The following CDK14 variants were observed in gnomAD, a reference collection of about 807,000 sequenced individuals.
The protein encoded by CDK14 is cyclin-dependent kinase 14.
In CDK14, 34 loss-of-function variants were observed where a neutral mutation model predicts 60.7. The observed-to-expected ratio is 0.56, with a 90% CI of 0.43 to 0.75. The LOEUF (loss-of-function observed/expected upper bound fraction) is 0.75, where lower values mean the gene tolerates loss of function less well. CDK14 is among the 30% of genes least tolerant of loss of function. The pLI is 0.00. For missense variants in CDK14, 482 were observed against 564.1 expected (o/e 0.85, Z 1.47); for synonymous variants, 197 against 203.7 (o/e 0.97, Z 0.28).
At chr7:90,830,265 G>A (rs897091414) in intron 5 of CDK14, among the ~76,000 whole-genome samples, 9 of 152,148 alleles carry the variant, frequency 5.9e-5, no homozygotes, top group Non-Finnish European at 1.3e-4. Flanking sequence ...CTCAACTCTT[G>A]TCTTCTGCAC....
chr7:90,598,799 G>T (rs948634799), intron 1 of CDK14, among the ~76,000 whole-genome samples: 5 of 136,216 alleles, frequency 3.7e-5, no homozygotes, highest in Non-Finnish European at 6.2e-5. Context: ...CCGCCTCCCG[G>T]GTTCACGCCA....
intron 2 of CDK14, chr7:90,710,029 C>G (rs1802002331): frequency 1.6e-5 from 14 of 898,636 alleles, no homozygotes; most frequent in Non-Finnish European, 1.9e-5. Context: ...TGAATCCTGA[C>G]TCACTCATTT....
At chr7:91,172,857 G>T (rs981794833) in intron 14 of CDK14, among the ~76,000 whole-genome samples, 3 of 152,036 alleles carry the variant, frequency 2.0e-5, no homozygotes, top group African/African-American at 7.2e-5. Flanking sequence ...ACTCACATCA[G>T]ATTTTATTTT....
intron 12 of CDK14, among the ~76,000 whole-genome samples, chr7:91,110,548 T>G (rs1367937921): frequency 6.6e-6 from 1 of 152,182 alleles, no homozygotes. Flanking sequence ...TAGTATGTCT[T>G]GCTTTGTATT....
chr7:90,914,969 G>C (rs1793027110), intron 7 of CDK14, among the ~76,000 whole-genome samples: 1 of 152,174 alleles, frequency 6.6e-6, no homozygotes, highest in Non-Finnish European at 1.5e-5. Flanking sequence ...ATCATACTGT[G>C]ATAGACATAT....
At chr7:91,104,405 G>T (rs974033035) in intron 12 of CDK14, among the ~76,000 whole-genome samples, 2 of 152,212 alleles carry the variant, frequency 1.3e-5, no homozygotes, top group South Asian at 2.1e-4. Flanking sequence ...CTCACAGGAG[G>T]GCAGCTTTCC....
intron 6 of CDK14, 144 bp from the exon 7 acceptor site, chr7:90,899,147 T>A (rs934104234): frequency 3.1e-5 from 16 of 517,614 alleles, no homozygotes; most frequent in Non-Finnish European, 2.7e-5. Flanking sequence ...TGGGGAGGCA[T>A]GCCACTACAT....
At chr7:91,082,477 G>C (rs534030023) in intron 12 of CDK14, among the ~76,000 whole-genome samples, 1 of 152,218 alleles carries the variant, frequency 6.6e-6, no homozygotes, top group Admixed American at 6.5e-5. Context: ...AGTAAAACTG[G>C]ATTTCTCCTA....
chr7:90,729,176 G>A (rs915650626), intron 3 of CDK14, among the ~76,000 whole-genome samples: 2 of 151,600 alleles, frequency 1.3e-5, no homozygotes, highest in African/African-American at 2.4e-5. Flanking sequence ...GGGGCTGGCC[G>A]AGGGAGACTG....
chr7:90,965,909 T>G (rs1324405200), intron 9 of CDK14, among the ~76,000 whole-genome samples: 1 of 152,192 alleles, frequency 6.6e-6, no homozygotes, highest in Non-Finnish European at 1.5e-5. Context: ...ATCATTTGTG[T>G]GCCCTCTCAT....
At chr7:90,989,588 G>A (rs530651882) in intron 10 of CDK14, among the ~76,000 whole-genome samples, 1 of 152,252 alleles carries the variant, frequency 6.6e-6, no homozygotes, top group East Asian at 1.9e-4. Context: ...CTTCAGGAAT[G>A]GAATCATGAA....
At chr7:91,012,565 C>A (rs1304234181) in intron 10 of CDK14, among the ~76,000 whole-genome samples, 1 of 152,186 alleles carries the variant, frequency 6.6e-6, no homozygotes, top group Non-Finnish European at 1.5e-5. Context: ...CTTCAGGCAG[C>A]AAATTGGAGC....
At chr7:90,822,960 A>G (rs1212704975) in intron 5 of CDK14, among the ~76,000 whole-genome samples, 23 of 152,166 alleles carry the variant, frequency 1.5e-4, no homozygotes, top group Non-Finnish European at 4.4e-5. Flanking sequence ...TTATACTCTG[A>G]CAAAAAGTTT....
intron 4 of CDK14, among the ~76,000 whole-genome samples, chr7:90,789,325 T>C (rs1805728010): frequency 6.6e-6 from 1 of 152,174 alleles, no homozygotes; most frequent in South Asian, 2.1e-4. Flanking sequence ...CTCTGTATTG[T>C]ATACCACTAT....
chr7:90,608,206 C>T (rs957694607), intron 2 of CDK14, among the ~76,000 whole-genome samples: 3 of 152,128 alleles, frequency 2.0e-5, no homozygotes, highest in Non-Finnish European at 4.4e-5. Flanking sequence ...TAAGTGGCCC[C>T]ATTTTTCCTG....
At chr7:91,161,130 CCT>C (rs994990300) in intron 14 of CDK14, among the ~76,000 whole-genome samples, 1 of 152,038 alleles carries the variant, frequency 6.6e-6, no homozygotes, top group Non-Finnish European at 1.5e-5. Flanking sequence ...AGGGACACTG[CCT>C]CTGACTTGGA....
At chr7:91,121,631 A>C (rs1393178435) in intron 14 of CDK14, among the ~76,000 whole-genome samples, 1 of 152,216 alleles carries the variant, frequency 6.6e-6, no homozygotes, top group African/African-American at 2.4e-5. Flanking sequence ...TTGGTTTCAG[A>C]GTCTTGTAAC....
chr7:91,082,118 G>C (rs1420574360), intron 12 of CDK14, among the ~76,000 whole-genome samples: 1 of 152,128 alleles, frequency 6.6e-6, no homozygotes, highest in Admixed American at 6.5e-5. Flanking sequence ...ATAGTTGTCT[G>C]ACATTGGCAT....
intron 3 of CDK14, among the ~76,000 whole-genome samples, chr7:90,735,724 C>T (rs974290164): frequency 1.3e-5 from 2 of 152,322 alleles, no homozygotes; most frequent in African/African-American, 2.4e-5. Flanking sequence ...ACGCTGGCAG[C>T]GAGAATTTCA....
Sources: allele counts gnomAD v4.1 joint callset (sites outside exome capture counted in the v4.1 genomes callset), GRCh38; gene constraint gnomAD v4.1.1; transcripts MANE v1.5; gene names NCBI Gene and HGNC (gene_info 2026-07-23, HGNC 2026-07-21).